NFIB: variants seen among roughly 807,000 people sequenced by gnomAD.
NFIB encodes nuclear factor I B.
A neutral mutation model predicts 61.5 loss-of-function variants in NFIB; 11 were observed. The ratio of observed to expected loss-of-function variants is 0.18; its 90% confidence interval spans 0.11 to 0.30. The LOEUF (loss-of-function observed/expected upper bound fraction) is 0.30. NFIB is among the 10% of genes least tolerant of loss of function. NFIB has a pLI of 1.00. For missense variants in NFIB, 471 were observed against 608.9 expected (o/e 0.77, Z 2.38); for synonymous variants, 260 against 216.5 (o/e 1.20, Z -1.76).
intron 1 of NFIB, among the ~76,000 whole-genome samples, chr9:14,365,259 T>A (rs1480891904): frequency 6.6e-6 from 1 of 152,244 alleles, no homozygotes; most frequent in Non-Finnish European, 1.5e-5. Flanking sequence ...TTATTTCAGA[T>A]GTAATGGTTT....
At chr9:14,108,966 A>G (rs2036957515) in intron 10 of NFIB, among the ~76,000 whole-genome samples, 2 of 152,204 alleles carry the variant, frequency 1.3e-5, no homozygotes, top group South Asian at 4.1e-4. Context: ...ATTTTTAAAT[A>G]TATGTTGATG....
intron 2 of NFIB, among the ~76,000 whole-genome samples, chr9:14,282,130 T>C (rs1250874006): frequency 6.6e-6 from 1 of 152,072 alleles, no homozygotes; most frequent in East Asian, 1.9e-4. Flanking sequence ...ATAAATTGGA[T>C]TTAAGTTACA....
intron 2 of NFIB, among the ~76,000 whole-genome samples, chr9:14,228,928 T>A (rs528279359): frequency 1.3e-5 from 2 of 152,258 alleles, no homozygotes; most frequent in East Asian, 1.9e-4. Flanking sequence ...AATTCCTTTA[T>A]CTCTTTTACT....
chr9:14,322,522 G>C (rs1181072615), intron 1 of NFIB, among the ~76,000 whole-genome samples: 1 of 152,060 alleles, frequency 6.6e-6, no homozygotes, highest in African/African-American at 2.4e-5. Context: ...TCCGCGCCCG[G>C]CCCGCGCTCC....
At chr9:14,335,482 T>C (rs1368762173) in intron 1 of NFIB, among the ~76,000 whole-genome samples, 1 of 152,246 alleles carries the variant, frequency 6.6e-6, no homozygotes, top group Non-Finnish European at 1.5e-5. Context: ...GCCATTTCTA[T>C]ATCTTCTCTG....
intron 2 of NFIB, among the ~76,000 whole-genome samples, chr9:14,298,867 GGTCAA>G (rs1335277245): frequency 6.6e-6 from 1 of 152,150 alleles, no homozygotes. Flanking sequence ...CATCAGCTTT[GGTCAA>G]TTAAACCTAA....
At chr9:14,411,886 G>T in the NFIB span, among the ~76,000 whole-genome samples, 1 of 152,208 alleles carries the variant, frequency 6.6e-6, no homozygotes. Flanking sequence ...CTCTAAGGTT[G>T]CTTGTTCCGA....
intron 3 of NFIB, among the ~76,000 whole-genome samples, chr9:14,178,779 A>T (rs1362558632): frequency 6.6e-6 from 1 of 152,168 alleles, no homozygotes; most frequent in Non-Finnish European, 1.5e-5. Flanking sequence ...TTTCAGCCTC[A>T]TATTAGCTAA....
chr9:14,144,309 G>A (rs2042060389), intron 6 of NFIB, among the ~76,000 whole-genome samples: 1 of 152,028 alleles, frequency 6.6e-6, no homozygotes, highest in South Asian at 2.1e-4. Context: ...TCTGAATAAC[G>A]CATCCATTCC....
chr9:14,314,140 G>C lies in NFIB; in HGVS notation c.-629C>G. ...TGCGCGAGGGGCAGCGTGAGCGAGT[G>C]CGCGCGGGTGGCGGGGCGCGCGCGG... is the stretch of plus-strand genomic sequence containing the variant. On this transcript the variant is annotated 5_prime_UTR_variant, in exon 1 of 11. Transcript: ENST00000380953. The C allele has an allele frequency of 2.0e-6, 2 of 1,006,990 alleles. No homozygotes were observed. The highest frequency in any genetic ancestry group is 2.4e-6 in the Non-Finnish European group (2 of 844,508). The allele number at this position is 1,006,990 out of a possible 1,614,324, so 62.4% of individuals were successfully genotyped here.
the NFIB span, among the ~76,000 whole-genome samples, chr9:14,478,962 G>T: frequency 2.0e-5 from 3 of 152,170 alleles, no homozygotes; most frequent in Admixed American, 2.0e-4. Context: ...TATTTGTAAA[G>T]CCTTTTAGAA....
At chr9:14,279,590 T>G (rs1379973686) in intron 2 of NFIB, among the ~76,000 whole-genome samples, 3 of 152,172 alleles carry the variant, frequency 2.0e-5, no homozygotes, top group Non-Finnish European at 2.9e-5. Context: ...TAAATCTAAT[T>G]TGAAGGATGT....
chr9:14,387,550 G>A (rs776049373), intron 1 of NFIB, among the ~76,000 whole-genome samples: 95 of 152,074 alleles, frequency 6.2e-4, no homozygotes, highest in Admixed American at 1.3e-3. Context: ...GGAAAAATGA[G>A]CAAAGGATAG....
chr9:14,465,594 C>CACAA, the NFIB span, among the ~76,000 whole-genome samples: 1 of 151,744 alleles, frequency 6.6e-6, no homozygotes, highest in Non-Finnish European at 1.5e-5. Context: ...CACACACACA[C>CACAA]ACACACACAC....
chr9:14,304,727 C>G (rs1214896723), intron 2 of NFIB, among the ~76,000 whole-genome samples: 1 of 152,170 alleles, frequency 6.6e-6, no homozygotes, highest in African/African-American at 2.4e-5. Flanking sequence ...TTATCATGTA[C>G]TTAGAAGACA....
chr9:14,277,562 T>A (rs769330902), intron 2 of NFIB, among the ~76,000 whole-genome samples: 5 of 152,238 alleles, frequency 3.3e-5, no homozygotes, highest in Non-Finnish European at 7.3e-5. Context: ...TCATTAGTCC[T>A]CGTAGGTGAA....
the NFIB span, among the ~76,000 whole-genome samples, chr9:14,462,437 C>T: frequency 6.6e-6 from 1 of 152,056 alleles, no homozygotes; most frequent in East Asian, 1.9e-4. Flanking sequence ...CACCCGCCAC[C>T]ACGCCCGGCT....
At chr9:14,243,649 A>AT (rs373520525) in intron 2 of NFIB, among the ~76,000 whole-genome samples, 1 of 152,082 alleles carries the variant, frequency 6.6e-6, no homozygotes, top group African/African-American at 2.4e-5. Flanking sequence ...GTGCTCATCC[A>AT]TTTTTTTATG....
At chr9:14,146,569 AT>A in intron 6 of NFIB, 119 bp downstream of exon 6, 4 of 1,394,024 alleles carry the variant, frequency 2.9e-6, no homozygotes, top group Non-Finnish European at 4.0e-6. Context: ...TACAGGAATC[AT>A]TTTATGAAAA....
Sources: gnomAD v4.1 joint callset for allele counts (sites outside exome capture counted in the v4.1 genomes callset) on GRCh38, gnomAD v4.1.1 for gene constraint, MANE v1.5 for transcripts, NCBI Gene and HGNC (gene_info 2026-07-23, HGNC 2026-07-21) for gene names.